The following LRRFIP2 variants were observed in gnomAD, a reference collection of about 807,000 sequenced individuals.
LRRFIP2 encodes LRR binding FLII interacting protein 2.
In LRRFIP2, 109 loss-of-function variants were observed where a neutral mutation model predicts 125.9. That is an observed-to-expected ratio of 0.87 (90% CI 0.74 to 1.01). The LOEUF (loss-of-function observed/expected upper bound fraction) is 1.01. Ranked by LOEUF, LRRFIP2 falls within the 50% of genes least tolerant of loss-of-function variation. The probability of loss-of-function intolerance (pLI) is 0.00; values close to 1 mark genes in which losing one functional copy is unlikely to be tolerated. For synonymous variants in LRRFIP2, 291 were observed against 293.1 expected (o/e 0.99, Z 0.07); for missense variants, 850 against 862.3 (o/e 0.99, Z 0.18).
chr3:37,124,018 A>C (rs1422303147), intron 4 of LRRFIP2, among the ~76,000 whole-genome samples: 1 of 152,240 alleles, frequency 6.6e-6, no homozygotes, highest in African/African-American at 2.4e-5. Flanking sequence ...AGAATAAAAT[A>C]TAAACCCCCA....
chr3:37,105,475 G>T lies in LRRFIP2; in HGVS notation c.763C>A (p.Arg255Ser). 6.2e-7 allele frequency: 1 copy of T among 1,613,824 alleles called. No homozygotes were observed. Among genetic ancestry groups the T allele is most frequent in the Non-Finnish European group, 8.5e-7 (1 of 1,179,852 alleles). The change falls in exon 14 of 28, where the codon CGT becomes AGT. Residue 255 changes from arginine to serine, a missense_variant. Coordinates refer to ENST00000336686, the MANE Select transcript of LRRFIP2 (RefSeq NM_006309.4). ...ASIVSSDRAS[R>S]GRRESVVSAA... ...CTCACCACACTCTCCCTTCGTCCAC[G>T]ACTGGCACGATCAGAAGACACAATG...
intron 1 of LRRFIP2, among the ~76,000 whole-genome samples, chr3:37,171,258 G>A (rs868602758): frequency 3.3e-5 from 5 of 152,086 alleles, no homozygotes; most frequent in Non-Finnish European, 7.3e-5. Context: ...TCCCCCTTCT[G>A]TGCTTGCCAC....
At chr3:37,054,085 C>A in intron 27 of LRRFIP2, 124 bp from the exon 28 acceptor site, 2 of 677,792 alleles carry the variant, frequency 3.0e-6, no homozygotes, top group South Asian at 1.7e-5. Flanking sequence ...GGACCCACAA[C>A]CTCATTTTTT....
chr3:37,153,563 C>T (rs957540427), intron 1 of LRRFIP2, among the ~76,000 whole-genome samples: 1 of 152,110 alleles, frequency 6.6e-6, no homozygotes. Context: ...CTCCTCTACC[C>T]CCATGATCCA....
intron 14 of LRRFIP2, among the ~76,000 whole-genome samples, chr3:37,104,057 A>G (rs1403278552): frequency 6.6e-6 from 1 of 152,298 alleles, no homozygotes; most frequent in East Asian, 1.9e-4. Flanking sequence ...CAGAGATAAA[A>G]CAGGCTTACA....
intron 15 of LRRFIP2, 34 bp downstream of exon 15, chr3:37,102,890 C>A (rs2094138265): frequency 7.2e-7 from 1 of 1,397,688 alleles, no homozygotes; most frequent in East Asian, 2.5e-5. Flanking sequence ...AAGCCTGGGA[C>A]AACATAACCA....
At chr3:37,164,928 T>C (rs2096439232) in intron 1 of LRRFIP2, among the ~76,000 whole-genome samples, 1 of 152,080 alleles carries the variant, frequency 6.6e-6, no homozygotes, top group South Asian at 2.1e-4. Flanking sequence ...CCCATAACTA[T>C]GTTACATTAT....
At position 37,065,950 on chromosome 3, in the gene LRRFIP2, G is replaced by A. The variant is rs765075916; in HGVS notation, c.1567-8C>T. The A allele has an allele frequency of 2.4e-5, 38 of 1,613,888 alleles. No homozygotes were observed. Among genetic ancestry groups the A allele is most frequent in the Admixed American group, 5.0e-5 (3 of 59,988 alleles). On this transcript the variant is annotated splice_region_variant and splice_polypyrimidine_tract_variant and intron_variant, in intron 22 of 27. Transcript: ENST00000336686. ...TATAACTAAGCCATGTTTCTGCAGG[G>A]GGGAAAAACCCACCATCACAAAAGG...
chr3:37,096,298 C>A (rs906056642), intron 16 of LRRFIP2, among the ~76,000 whole-genome samples: 3 of 152,138 alleles, frequency 2.0e-5, no homozygotes, highest in Non-Finnish European at 4.4e-5. Flanking sequence ...GAGTTTGTCA[C>A]CACCATTCCT....
chr3:37,074,772 T>C (rs952879245), intron 20 of LRRFIP2, among the ~76,000 whole-genome samples: 6 of 152,210 alleles, frequency 3.9e-5, no homozygotes, highest in Non-Finnish European at 7.3e-5. Flanking sequence ...TCCTAAGATA[T>C]CTGTAGGAAA....
At chr3:37,173,232 T>G (rs961818118) in intron 1 of LRRFIP2, among the ~76,000 whole-genome samples, 1 of 152,028 alleles carries the variant, frequency 6.6e-6, no homozygotes, top group African/African-American at 2.4e-5. Context: ...TTATTTATTC[T>G]TGAGACAGGG....
At chr3:37,154,013 C>A (rs866261737) in intron 1 of LRRFIP2, among the ~76,000 whole-genome samples, 157 of 142,610 alleles carry the variant, frequency 1.1e-3, no homozygotes, top group Admixed American at 1.3e-3. Context: ...TCTGTCTTTA[C>A]AAAAAAAAAA....
rs2090031375 is a variant in LRRFIP2, at chr3:37,065,887, T to TCC, written c.1621_1622insGG (p.Glu541GlyfsTer27). 6.2e-7 allele frequency: 1 copy of TCC among 1,614,040 alleles called. No individual in the cohort carries two copies. Among genetic ancestry groups the TCC allele is most frequent in the Non-Finnish European group, 8.5e-7 (1 of 1,180,006 alleles). On this transcript the variant is annotated frameshift_variant, in exon 23 of 28. Coordinates refer to ENST00000336686, the MANE Select transcript of LRRFIP2 (RefSeq NM_006309.4). LOFTEE classifies it high-confidence loss of function. ...AACAGTGATGGCTCCAGCCACTGGT[T>TCC]CATGACTGACATCACCATTGGGAGT...
intron 6 of LRRFIP2, among the ~76,000 whole-genome samples, chr3:37,117,121 T>A (rs1474409741): frequency 6.7e-6 from 1 of 149,868 alleles, no homozygotes; most frequent in African/African-American, 2.5e-5. Context: ...CTAACCCTTT[T>A]GTTTAAAAAA....
rs778858387 is a variant in LRRFIP2 at position 37,065,835 on chromosome 3, C to T, written c.1674G>A (p.Leu558=). ...TVVSQEAAQV[L]ESAGEGPLDV... ...CTAATGGCCCTTCTCCTGCTGACTCCAAGACCTGAGCAGCTTCCTGAGACA... is the reference window on the plus strand; with the variant it reads ...CTAATGGCCCTTCTCCTGCTGACTCTAAGACCTGAGCAGCTTCCTGAGACA... The change falls in exon 23 of 28, where the codon TTG becomes TTA. Residue 558 remains leucine, a synonymous_variant. Transcript: ENST00000336686. 1 of 1,614,158 alleles carries T rather than the reference C, an allele frequency of 6.2e-7. No homozygotes were observed. Among genetic ancestry groups the T allele is most frequent in the Non-Finnish European group, 8.5e-7 (1 of 1,179,994 alleles).
chr3:37,062,219 T>A (rs1352335833), intron 24 of LRRFIP2, among the ~76,000 whole-genome samples: 1 of 152,176 alleles, frequency 6.6e-6, no homozygotes, highest in African/African-American at 2.4e-5. Context: ...TTCTAACATA[T>A]CATATAATAT....
chr3:37,105,505 C>G lies in LRRFIP2; in HGVS notation c.733G>C (p.Ala245Pro). Residue 245 changes from alanine (A) to proline (P), a missense_variant, in exon 14 of 28, where the codon GCA (alanine) becomes CCA (proline). Transcript: ENST00000336686. ...SSPGFTNDDT[A>P]SIVSSDRASR... ...GCACGATCAGAAGACACAATGCTTG[C>G]AGTGTCATCGTTGGTAAACTATAGA... 6.2e-7 allele frequency: 1 copy of G among 1,613,592 alleles called. No homozygotes were observed. The highest frequency in any genetic ancestry group is 1.3e-5 in the African/African-American group (1 of 75,040).
chr3:37,164,181 T>G (rs1418048981), intron 1 of LRRFIP2, among the ~76,000 whole-genome samples: 1 of 152,112 alleles, frequency 6.6e-6, no homozygotes, highest in African/African-American at 2.4e-5. Context: ...TTTAACTCCC[T>G]GAAAAAACAA....
intron 14 of LRRFIP2, 144 bp from the exon 15 acceptor site, chr3:37,103,157 A>C: frequency 1.7e-6 from 1 of 582,980 alleles, no homozygotes; most frequent in Non-Finnish European, 3.0e-6. Flanking sequence ...AAACTGCTGC[A>C]ATTAACCTAC....
Sources: gnomAD v4.1 joint callset for allele counts (sites outside exome capture counted in the v4.1 genomes callset) on GRCh38, gnomAD v4.1.1 for gene constraint, MANE v1.5 for transcripts, NCBI Gene and HGNC (gene_info 2026-07-23, HGNC 2026-07-21) for gene names.